The following TBCD variants were observed in gnomAD, a reference collection of about 807,000 sequenced individuals.
TBCD encodes the protein tubulin-specific chaperone D.
In TBCD, 105 loss-of-function variants were observed where a neutral mutation model predicts 169.3. The ratio of observed to expected loss-of-function variants is 0.62; its 90% CI spans 0.53 to 0.73. TBCD has a LOEUF of 0.73. Among genes scored for constraint, TBCD ranks in the 30% least tolerant of loss-of-function variants. The probability of loss-of-function intolerance (pLI) is 0.00; values close to 1 mark genes in which losing one functional copy is unlikely to be tolerated. For missense variants in TBCD, 1,444 were observed against 1,600.1 expected (o/e 0.90, Z 1.66); for synonymous variants, 700 against 643.9 (o/e 1.09, Z -1.32).
chr17:82,781,772 C>T (rs779672690), intron 7 of TBCD, 51 bp downstream of exon 7: 21 of 1,597,012 alleles, frequency 1.3e-5, no homozygotes, highest in Non-Finnish European at 1.7e-5. Flanking sequence ...TGGCGCCTTA[C>T]ATGGGGACCA....
chr17:82,802,438 C>T (rs923113972), intron 9 of TBCD, among the ~76,000 whole-genome samples: 1 of 152,152 alleles, frequency 6.6e-6, no homozygotes, highest in African/African-American at 2.4e-5. Flanking sequence ...TGGCTAGTTT[C>T]TCAAAGCTGC....
chr17:82,925,564 C>T (rs920819085), intron 27 of TBCD, among the ~76,000 whole-genome samples: 5 of 152,094 alleles, frequency 3.3e-5, no homozygotes, highest in South Asian at 2.1e-4. Context: ...GGCCACCTGG[C>T]GTCTGAAGCT....
chr17:82,823,203 G>C (rs918211428), intron 13 of TBCD, among the ~76,000 whole-genome samples: 7 of 152,174 alleles, frequency 4.6e-5, no homozygotes, highest in African/African-American at 1.7e-4. Context: ...TCTTGTGGGG[G>C]GCCCTGCTGT....
At chr17:82,910,946 C>G (rs2060597650) in intron 22 of TBCD, among the ~76,000 whole-genome samples, 1 of 152,162 alleles carries the variant, frequency 6.6e-6, no homozygotes, top group Admixed American at 6.5e-5. Flanking sequence ...TGAAGCCTCC[C>G]TTTCTGCCTC....
chr17:82,939,203 C>T (rs754144300), intron 36 of TBCD, 164 bp from the exon 37 acceptor site: 22 of 655,182 alleles, frequency 3.4e-5, no homozygotes, highest in Non-Finnish European at 5.7e-5. Context: ...CTGGAAGGCA[C>T]CTCCTCTTGG....
intron 13 of TBCD, among the ~76,000 whole-genome samples, chr17:82,826,990 C>T (rs1344256255): frequency 6.6e-6 from 1 of 152,166 alleles, no homozygotes; most frequent in East Asian, 1.9e-4. Context: ...AGGCTGGTCT[C>T]AAACTCCTGA....
chr17:82,869,922 C>T (rs541643779), intron 13 of TBCD, among the ~76,000 whole-genome samples: 1 of 151,760 alleles, frequency 6.6e-6, no homozygotes, highest in African/African-American at 2.4e-5. Context: ...TCCTCAGACT[C>T]GGCAGACCCC....
chr17:82,851,180 A>C (rs968546023), intron 13 of TBCD, among the ~76,000 whole-genome samples: 3 of 152,374 alleles, frequency 2.0e-5, no homozygotes, highest in Non-Finnish European at 2.9e-5. Context: ...AACTGGATAC[A>C]GAATAATAAA....
Position 82,929,481 on chromosome 17 carries a change from G to C in TBCD, c.2972G>C (p.Gly991Ala). Residue 991 changes from glycine to alanine, a missense_variant, in exon 32 of 39, where the codon GGC becomes GCC. Coordinates refer to ENST00000355528, the MANE Select transcript of TBCD (RefSeq NM_005993.5). The part of the protein sequence containing the change: ...HVLLGLVVSL[G>A]GLTESTIRHS... Reference sequence around the variant, plus strand: ...CTGCTGGGGCTAGTCGTGTCCCTGGGCGGCTTGACGGAGTCGACGGTGAGG... The same window carrying C: ...CTGCTGGGGCTAGTCGTGTCCCTGGCCGGCTTGACGGAGTCGACGGTGAGG... 1 of 1,608,298 alleles carries C rather than the reference G, an allele frequency of 6.2e-7. No homozygotes were observed. Among genetic ancestry groups the C allele is most frequent in the Non-Finnish European group, 8.5e-7 (1 of 1,179,866 alleles).
At chr17:82,757,170 C>T (rs571148285) in intron 2 of TBCD, among the ~76,000 whole-genome samples, 1 of 152,306 alleles carries the variant, frequency 6.6e-6, no homozygotes, top group East Asian at 1.9e-4. Context: ...CCAGTTTCAC[C>T]ATTCAGTTTT....
At chr17:82,939,308 C>G (rs773471668) in intron 36 of TBCD, 59 bp from the exon 37 acceptor site, 325 of 1,411,240 alleles carry the variant, frequency 2.3e-4, no homozygotes, top group Non-Finnish European at 3.1e-4. Flanking sequence ...GTCCTGTCGT[C>G]TCTCCGGGGT....
chr17:82,906,080 A>C, intron 20 of TBCD, 27 bp downstream of exon 20: 4 of 1,525,396 alleles, frequency 2.6e-6, no homozygotes, highest in Non-Finnish European at 2.7e-6. Context: ...TCGAGGAGAC[A>C]CAGGGCTCTG....
In TBCD at chr17:82,884,027, G is replaced by A; in HGVS notation, c.1476-118G>A. On this transcript the variant is annotated intron_variant, in intron 14 of 38. Transcript: ENST00000355528. This position sits in a 1 kb window ranked among gnomAD's most constrained non-coding sequence, Gnocchi z 4.2. ...GCCTCAAGCTGTGTGTTGCCTGTGG[G>A]GCATGTCTGAACCTCAAGTGGGCCT... The A allele has an allele frequency of 4.3e-6, 4 of 929,318 alleles. No homozygotes were observed. In the South Asian group the frequency reaches 5.8e-5, roughly 14 times the overall value. 57.6% of individuals were successfully genotyped at this position (929,318 alleles called of 1,614,324 possible). A position where few individuals can be genotyped will look rare whatever the true frequency, so the allele number is the denominator to read the frequency against.
intron 32 of TBCD, chr17:82,929,831 C>T: frequency 2.1e-6 from 1 of 479,252 alleles, no homozygotes; most frequent in Non-Finnish European, 3.8e-6. Flanking sequence ...TGGGCTCCAT[C>T]AGGTTCTAGA....
At chr17:82,940,646 A>G (rs1260526812) in intron 37 of TBCD, among the ~76,000 whole-genome samples, 3 of 152,052 alleles carry the variant, frequency 2.0e-5, no homozygotes, top group Admixed American at 2.0e-4. Flanking sequence ...TCCTAAACAA[A>G]CACGTGGTCC....
At chr17:82,909,233 G>A (rs1018740018) in intron 21 of TBCD, 52 bp from the exon 22 acceptor site, 21 of 1,336,776 alleles carry the variant, frequency 1.6e-5, no homozygotes, top group East Asian at 1.0e-4. Context: ...TAACGTATAC[G>A]TATTATTTTA....
chr17:82,941,540 T>C, intron 38 of TBCD, 57 bp downstream of exon 38: 1 of 1,470,460 alleles, frequency 6.8e-7, no homozygotes. Flanking sequence ...CTCTGGAATG[T>C]TCTGGGGCCA....
chr17:82,798,453 T>C (rs948805119), intron 8 of TBCD, among the ~76,000 whole-genome samples: 2 of 151,970 alleles, frequency 1.3e-5, no homozygotes, highest in Admixed American at 1.3e-4. Flanking sequence ...GCCTAATTTT[T>C]GTATTTTTAA....
In TBCD at chr17:82,789,803, C is replaced by T. The variant is rs1015045945; in HGVS notation, c.772-7954C>T. On this transcript the variant is annotated intron_variant, in intron 7 of 38. Coordinates refer to ENST00000355528, the MANE Select transcript of TBCD (RefSeq NM_005993.5). The surrounding 1 kb of genome is among the most constrained non-coding windows in gnomAD (Gnocchi z 4.8). The stretch of plus-strand genomic sequence containing the variant: ...TCCTTCTGTGGACCCGTTGGGTACA[C>T]GTGTGACACTTCAGAACCCGCAAGT... Among the ~76,000 whole-genome samples the T allele has an allele frequency of 2.0e-5, 3 of 152,214 alleles. No homozygotes were observed. The East Asian group carries it at 5.8e-4, about 29-fold the overall frequency.
Sources: allele counts gnomAD v4.1 joint callset (sites outside exome capture counted in the v4.1 genomes callset), GRCh38; gene constraint gnomAD v4.1.1; non-coding constraint Gnocchi (gnomAD v3.1); transcripts MANE v1.5; gene names NCBI Gene and HGNC (gene_info 2026-07-23, HGNC 2026-07-21).